Variants in TMEM87B observed in about 807,000 individuals in gnomAD.
TMEM87B encodes the protein transmembrane protein 87B.
In TMEM87B, 83 loss-of-function variants were observed where a neutral mutation model predicts 80.3. The ratio of observed to expected loss-of-function variants is 1.03; its 90% CI spans 0.87 to 1.24. The LOEUF (loss-of-function observed/expected upper bound fraction) is 1.24. Ranked by LOEUF, TMEM87B falls within the 50% of genes most tolerant of loss-of-function variation. TMEM87B has a pLI of 0.00. For missense variants in TMEM87B, 625 were observed against 674.4 expected (o/e 0.93, Z 0.81); for synonymous variants, 219 against 230.5 (o/e 0.95, Z 0.45).
intron 10 of TMEM87B, among the ~76,000 whole-genome samples, 174 bp downstream of exon 10, chr2:112,089,892 C>G (rs1164896929): frequency 6.6e-6 from 1 of 152,214 alleles, no homozygotes; most frequent in Non-Finnish European, 1.5e-5. Flanking sequence ...AAAGGCTAGA[C>G]AGAGTGCTTC....
At chr2:112,106,296 C>A (rs1015439898) in intron 16 of TMEM87B, among the ~76,000 whole-genome samples, 1 of 150,670 alleles carries the variant, frequency 6.6e-6, no homozygotes, top group Non-Finnish European at 1.5e-5. Flanking sequence ...ACCTGCTGTT[C>A]CTAGGCCAGC....
chr2:112,116,056 G>T, intron 18 of TMEM87B, 28 bp from the exon 19 acceptor site: 2 of 1,598,360 alleles, frequency 1.3e-6, no homozygotes, highest in South Asian at 1.1e-5. Context: ...TCAACATGTT[G>T]ATACATATCT....
chr2:112,068,277 G>C (rs192384940), intron 4 of TMEM87B, among the ~76,000 whole-genome samples: 1 of 152,072 alleles, frequency 6.6e-6, no homozygotes, highest in East Asian at 1.9e-4. Context: ...AGATTATGAG[G>C]CATTTAAATT....
chr2:112,088,768 T>C (rs572446522), intron 9 of TMEM87B, among the ~76,000 whole-genome samples: 114 of 152,326 alleles, frequency 7.5e-4, no homozygotes, highest in African/African-American at 2.5e-3. Context: ...TTGTTGTTTT[T>C]GTTTTTTTGG....
intron 5 of TMEM87B, among the ~76,000 whole-genome samples, chr2:112,076,961 G>A (rs550577522): frequency 9.5e-5 from 14 of 147,106 alleles, no homozygotes; most frequent in Non-Finnish European, 1.6e-4. Context: ...CAGCACTTTG[G>A]GAGGCCAAAG....
In TMEM87B at chr2:112,098,680, C is replaced by T; in HGVS notation, c.1358C>T (p.Pro453Leu). 1 of 1,613,956 alleles carries T rather than the reference C, an allele frequency of 6.2e-7. No homozygotes were observed. The highest frequency in any genetic ancestry group is 1.1e-5 in the South Asian group (1 of 91,056). Reference sequence around the variant, plus strand: ...ATTGTAATCATGTTTTTGTGGAGACCATCAGCAAACAATCAGAGGTACCTA... The same window carrying T: ...ATTGTAATCATGTTTTTGTGGAGACTATCAGCAAACAATCAGAGGTACCTA... ...ILIVIMFLWR[P>L]SANNQRYAFM... is the part of the protein sequence containing the mutation. The change falls in exon 14 of 19, where the codon CCA becomes CTA. Residue 453 changes from proline (P) to leucine (L), a missense_variant. Physicochemically the swap from Pro to Leu is moderately conservative, Grantham distance 98. Coordinates refer to ENST00000283206, the MANE Select transcript of TMEM87B (RefSeq NM_032824.3).
rs1235216666 is a variant in TMEM87B at position 112,064,340 on chromosome 2, G to A, written c.318+87G>A. ...ATTAGCTCATCAAGCGAGGAGGCTA[G>A]AAATAGAGATTACAGTTTTAGAAGT... On this transcript the variant is annotated intron_variant, in intron 3 of 18. Coordinates refer to ENST00000283206, the MANE Select transcript of TMEM87B (RefSeq NM_032824.3). 2.7e-6 allele frequency: 3 copies of A among 1,120,754 alleles called. No individual in the cohort carries two copies. In the African/African-American group the frequency reaches 4.6e-5, roughly 17 times the overall value. 69.4% of individuals were successfully genotyped at this position (1,120,754 alleles called of 1,614,324 possible).
chr2:112,088,662 T>G (rs1679215086), intron 9 of TMEM87B, among the ~76,000 whole-genome samples: 1 of 152,214 alleles, frequency 6.6e-6, no homozygotes, highest in African/African-American at 2.4e-5. Flanking sequence ...GCAAATATCA[T>G]GAAATTATTC....
intron 2 of TMEM87B, among the ~76,000 whole-genome samples, chr2:112,061,381 C>G (rs569823999): frequency 1.3e-5 from 2 of 152,212 alleles, no homozygotes; most frequent in Non-Finnish European, 2.9e-5. Context: ...TTTCACACAA[C>G]AGATCATGCT....
intron 10 of TMEM87B, among the ~76,000 whole-genome samples, 182 bp downstream of exon 10, chr2:112,089,900 T>C (rs1157669826): frequency 6.6e-6 from 1 of 152,240 alleles, no homozygotes; most frequent in Admixed American, 6.5e-5. Flanking sequence ...GACAGAGTGC[T>C]TCTTAAAATG....
chr2:112,100,755 C>G, intron 15 of TMEM87B, 60 bp downstream of exon 15: 1 of 1,115,422 alleles, frequency 9.0e-7, no homozygotes, highest in South Asian at 1.5e-5. Context: ...AAATATTGTA[C>G]CTTTACCCGT....
Position 112,086,065 on chromosome 2 carries a change from T to G in TMEM87B, c.899T>G (p.Leu300Arg). The part of the protein sequence containing the change: ...ISAIKRTLAR[L>R]LVIIVSLGYG... ...GCGATTAAGAGGACGTTGGCTCGCC[T>G]TCTCGTGATCATTGTGAGCCTGGGC... The change falls in exon 9 of 19, where the codon CTT (leucine) becomes CGT (arginine). Residue 300 changes from leucine to arginine, a missense_variant. Coordinates refer to ENST00000283206, the MANE Select transcript of TMEM87B (RefSeq NM_032824.3). 1 of 1,614,226 alleles carries G rather than the reference T, an allele frequency of 6.2e-7. No individual in the cohort carries two copies. Among genetic ancestry groups the G allele is most frequent in the Non-Finnish European group, 8.5e-7 (1 of 1,180,028 alleles).
intron 10 of TMEM87B, among the ~76,000 whole-genome samples, chr2:112,091,379 G>T (rs1679295409): frequency 6.6e-6 from 1 of 152,210 alleles, no homozygotes; most frequent in African/African-American, 2.4e-5. Context: ...GAAAGATCGG[G>T]AGTTCGTTTC....
intron 3 of TMEM87B, among the ~76,000 whole-genome samples, chr2:112,066,480 C>T (rs1429435562): frequency 2.6e-5 from 4 of 152,186 alleles, no homozygotes; most frequent in Non-Finnish European, 5.9e-5. Flanking sequence ...TGCCAGGAAC[C>T]TCAGGTAGTT....
At chr2:112,065,063 A>G (rs1678378402) in intron 3 of TMEM87B, among the ~76,000 whole-genome samples, 1 of 151,618 alleles carries the variant, frequency 6.6e-6, no homozygotes, top group Non-Finnish European at 1.5e-5. Context: ...GACTCAAGTG[A>G]CCCTCCTGGC....
intron 4 of TMEM87B, among the ~76,000 whole-genome samples, chr2:112,073,752 ACTTG>A (rs1303202135): frequency 6.6e-6 from 1 of 152,196 alleles, no homozygotes; most frequent in Non-Finnish European, 1.5e-5. Flanking sequence ...GTCTCTAAGA[ACTTG>A]CTTTATGAAT....
intron 11 of TMEM87B, among the ~76,000 whole-genome samples, chr2:112,096,812 C>T (rs1679482055): frequency 6.6e-6 from 1 of 152,142 alleles, no homozygotes; most frequent in Non-Finnish European, 1.5e-5. Flanking sequence ...CGTGTTTTTT[C>T]CTTGGAGTTT....
At chr2:112,077,038 CAAA>C (rs35044756) in intron 5 of TMEM87B, among the ~76,000 whole-genome samples, 151 bp from the exon 6 acceptor site, 5 of 85,336 alleles carry the variant, frequency 5.9e-5, no homozygotes, top group Non-Finnish European at 9.4e-5. Flanking sequence ...ACCCCCATCT[CAAA>C]AAAAAAAAAA....
intron 6 of TMEM87B, among the ~76,000 whole-genome samples, chr2:112,077,727 A>G (rs1368220662): frequency 2.6e-5 from 4 of 152,228 alleles, no homozygotes; most frequent in Admixed American, 6.5e-5. Context: ...TAGAAGCAGC[A>G]TATCTGCCAG....
Sources: gnomAD v4.1 joint callset for allele counts (sites outside exome capture counted in the v4.1 genomes callset) on GRCh38, gnomAD v4.1.1 for gene constraint, MANE v1.5 for transcripts, NCBI Gene and HGNC (gene_info 2026-07-23, HGNC 2026-07-21) for gene names.